The following DCTN4 variants were observed in gnomAD, a reference collection of about 807,000 sequenced individuals.
DCTN4 encodes dynactin 4 (p62).
DCTN4 carries 23 observed loss-of-function variants against 62.7 expected under a neutral mutation model. The observed-to-expected ratio is 0.37, with a 90% confidence interval of 0.26 to 0.52. The LOEUF (loss-of-function observed/expected upper bound fraction) is 0.52. Ranked by LOEUF, DCTN4 falls within the 20% of genes least tolerant of loss-of-function variation. The pLI is 0.92. For missense variants in DCTN4, 514 were observed against 580.4 expected, an observed-to-expected ratio of 0.89 and a Z score of 1.18; for synonymous variants, 199 against 202.1, an observed-to-expected ratio of 0.98 and a Z score of 0.13.
intron 3 of DCTN4, among the ~76,000 whole-genome samples, chr5:150,745,857 C>A (rs1760943160): frequency 6.6e-6 from 1 of 152,000 alleles, no homozygotes; most frequent in Non-Finnish European, 1.5e-5. Flanking sequence ...CCAAAATTGA[C>A]ACCCTAACAT....
intron 11 of DCTN4, among the ~76,000 whole-genome samples, chr5:150,716,910 T>C (rs1254439589): frequency 7.0e-6 from 1 of 143,236 alleles, no homozygotes; most frequent in African/African-American, 2.8e-5. Flanking sequence ...CGAGTGAGAT[T>C]CCGTCTCAAA....
chr5:150,731,073 T>G lies in DCTN4; in HGVS notation c.695A>C (p.Tyr232Ser). The change falls in exon 7 of 13, where the codon TAT (tyrosine) becomes TCT (serine). Residue 232 changes from tyrosine (Y) to serine (S), a missense_variant. Physicochemically the swap from Tyr to Ser is moderately radical, Grantham distance 144 (BLOSUM62 -2). Transcript: ENST00000447998. The stretch of plus-strand genomic sequence containing the variant: ...TGTTAAATTTACTGGTCTTGTATAA[T>G]AGTCTTCAGGTAGAGGTTCCACTTC... The part of the protein sequence containing the change: ...VDEVEPLPED[Y>S]YTRPVNLTEV... 1 of 1,607,948 alleles carries G rather than the reference T, an allele frequency of 6.2e-7. No homozygotes were observed. Among genetic ancestry groups the G allele is most frequent in the Non-Finnish European group, 8.5e-7 (1 of 1,174,374 alleles).
intron 12 of DCTN4, among the ~76,000 whole-genome samples, chr5:150,712,218 C>T (rs1401004999): frequency 2.6e-5 from 4 of 152,132 alleles, no homozygotes; most frequent in African/African-American, 9.7e-5. Context: ...CAACCTCCGC[C>T]TCCTGGGTTC....
intron 12 of DCTN4, among the ~76,000 whole-genome samples, chr5:150,715,344 G>A (rs1233266753): frequency 6.6e-6 from 1 of 152,094 alleles, no homozygotes; most frequent in African/African-American, 2.4e-5. Flanking sequence ...ATATTTGGAA[G>A]GACAAATGCC....
At chr5:150,721,433 TA>T (rs1759951860) in intron 9 of DCTN4, among the ~76,000 whole-genome samples, 1 of 152,188 alleles carries the variant, frequency 6.6e-6, no homozygotes, top group Non-Finnish European at 1.5e-5. Context: ...ACTGTTGGGT[TA>T]AAAGGTCTAT....
intron 8 of DCTN4, among the ~76,000 whole-genome samples, chr5:150,723,435 T>C (rs1227261233): frequency 6.6e-6 from 1 of 152,188 alleles, no homozygotes; most frequent in Non-Finnish European, 1.5e-5. Flanking sequence ...TAAATCTAGG[T>C]AGTAAAATTC....
intron 1 of DCTN4, chr5:150,758,415 G>T: frequency 8.1e-6 from 8 of 990,438 alleles, no homozygotes; most frequent in Non-Finnish European, 9.6e-6. Context: ...TCTGACGAGG[G>T]CCCAGTTTCT....
At chr5:150,729,374 T>C (rs77123169) in intron 8 of DCTN4, among the ~76,000 whole-genome samples, 3,463 of 152,138 alleles carry the variant, frequency 0.023, 154 homozygotes, top group African/African-American at 0.08. Context: ...CTTGAATCTA[T>C]GCTCTCAGGT....
intron 8 of DCTN4, among the ~76,000 whole-genome samples, chr5:150,727,616 A>T (rs1238573982): frequency 6.6e-6 from 1 of 151,884 alleles, no homozygotes; most frequent in African/African-American, 2.4e-5. Context: ...CTCTACTAAA[A>T]ATACAAAAAA....
chr5:150,758,537 G>T, intron 1 of DCTN4: 1 of 1,040,702 alleles, frequency 9.6e-7, no homozygotes, highest in South Asian at 3.6e-5. Context: ...CCCCTTAAGT[G>T]GCCTGAACTA....
intron 3 of DCTN4, among the ~76,000 whole-genome samples, chr5:150,746,678 A>G (rs967395002): frequency 2.6e-5 from 4 of 152,342 alleles, no homozygotes; most frequent in African/African-American, 9.6e-5. Context: ...ACAGAGCCAA[A>G]GACAAAAACC....
In DCTN4 at chr5:150,746,917, T is replaced by C. The variant is rs1310875100; in HGVS notation, c.386-4760A>G. Among the ~76,000 whole-genome samples, 4 of 152,224 alleles carry C rather than the reference T, an allele frequency of 2.6e-5. No homozygotes were observed. In the East Asian group the frequency reaches 5.8e-4, roughly 22 times the overall value. The stretch of plus-strand genomic sequence containing the variant: ...CCTCTCTCACCACTCCTATTCAACA[T>C]AGTGTTGGGAGTTCTGGCCAGGGCA... On this transcript the variant is annotated intron_variant, in intron 3 of 12. Coordinates refer to ENST00000447998, the MANE Select transcript of DCTN4 (RefSeq NM_016221.4).
In DCTN4 at chr5:150,753,643, A is replaced by G. The variant is rs1452559972; in HGVS notation, c.221T>C (p.Phe74Ser). 2 of 1,612,640 alleles carry G rather than the reference A, an allele frequency of 1.2e-6. No individual in the cohort carries two copies. Among genetic ancestry groups the G allele is most frequent in the South Asian group, 2.2e-5 (2 of 90,944 alleles). The change falls in exon 3 of 13, where the codon TTT (phenylalanine) becomes TCT (serine). Residue 74 changes from phenylalanine to serine, a missense_variant. By Grantham distance (155) the Phe-to-Ser change is radical. Coordinates refer to ENST00000447998, the MANE Select transcript of DCTN4 (RefSeq NM_016221.4). ...GGTGTGCATGCAGCCAGGACAGTCA[A>G]AACAATTGGCACATCTGTGACATGA... ...KLKKNRCANC[F>S]DCPGCMHTLS... is the part of the protein sequence containing the mutation.
At chr5:150,757,513 C>T (rs1752905584) in intron 1 of DCTN4, among the ~76,000 whole-genome samples, 1 of 152,048 alleles carries the variant, frequency 6.6e-6, no homozygotes. Context: ...ACTGGATGTC[C>T]TAATTGAAGA....
At position 150,718,265 on chromosome 5, in the gene DCTN4, A is replaced by C; in HGVS notation, c.1071+11T>G. 6.2e-7 allele frequency: 1 copy of C among 1,601,790 alleles called. No homozygotes were observed. The highest frequency in any genetic ancestry group is 1.3e-5 in the African/African-American group (1 of 74,294). On this transcript the variant is annotated intron_variant, in intron 11 of 12. Transcript: ENST00000447998. ...GTGCGGGTCAGTCAGGCTGAGGCAA[A>C]ATGCTCCTACCTTAGCAGTGCTGTT... is the stretch of plus-strand genomic sequence containing the variant.
chr5:150,733,731 A>C (rs1760472394), intron 4 of DCTN4: 1 of 347,588 alleles, frequency 2.9e-6, no homozygotes, highest in Non-Finnish European at 5.3e-6. Context: ...TAACTTCATT[A>C]CTTATTTCCC....
chr5:150,712,908 T>C (rs1339429708), intron 12 of DCTN4, among the ~76,000 whole-genome samples: 1 of 152,230 alleles, frequency 6.6e-6, no homozygotes, highest in Non-Finnish European at 1.5e-5. Flanking sequence ...AATCTGAAAG[T>C]TCTATTAAAT....
chr5:150,753,380 A>G (rs1581605164), intron 3 of DCTN4, 99 bp downstream of exon 3: 1 of 1,016,716 alleles, frequency 9.8e-7, no homozygotes, highest in East Asian at 2.5e-5. Context: ...TTCTGAATTT[A>G]GCTCCTATCG....
At chr5:150,742,051 T>G in intron 4 of DCTN4, 63 bp downstream of exon 4, 1 of 1,408,564 alleles carries the variant, frequency 7.1e-7, no homozygotes, top group South Asian at 1.2e-5. Flanking sequence ...AAATGCAAGA[T>G]CTTCAGTCTT....
Sources: gnomAD v4.1 joint callset for allele counts (sites outside exome capture counted in the v4.1 genomes callset) on GRCh38, gnomAD v4.1.1 for gene constraint, MANE v1.5 for transcripts, NCBI Gene and HGNC (gene_info 2026-07-23, HGNC 2026-07-21) for gene names.